The following SLC36A1 variants were observed in gnomAD, a reference collection of about 807,000 sequenced individuals.
The protein encoded by SLC36A1 is solute carrier family 36 member 1.
SLC36A1 carries 30 observed loss-of-function variants against 47.5 expected under a neutral mutation model. The observed-to-expected ratio is 0.63, with a 90% confidence interval of 0.47 to 0.86. The LOEUF is 0.86. Among genes scored for constraint, SLC36A1 ranks in the 40% least tolerant of loss-of-function variants. The probability of loss-of-function intolerance (pLI) is 0.00; values close to 1 mark genes in which losing one functional copy is unlikely to be tolerated. For missense variants in SLC36A1, 517 were observed against 606.0 expected (o/e 0.85, Z 1.54); for synonymous variants, 255 against 249.7 (o/e 1.02, Z -0.20).
the SLC36A1 span, among the ~76,000 whole-genome samples, chr5:151,410,790 A>G: frequency 6.9e-6 from 1 of 144,468 alleles, no homozygotes; most frequent in East Asian, 2.4e-4. Flanking sequence ...ATGAGATGCA[A>G]CTGTATCAAG....
chr5:151,462,164 A>G (rs1228486853), intron 2 of SLC36A1, among the ~76,000 whole-genome samples: 1 of 152,204 alleles, frequency 6.6e-6, no homozygotes, highest in Non-Finnish European at 1.5e-5. Context: ...TGTATCCAGT[A>G]CCATGAGCTT....
chr5:151,381,001 G>C, the SLC36A1 span: 3 of 386,566 alleles, frequency 7.8e-6, no homozygotes, highest in Non-Finnish European at 1.6e-5. Flanking sequence ...GAGGGGCCAG[G>C]CTGACAGACT....
In SLC36A1 at chr5:151,473,668, T is replaced by C. The variant is rs762108949; in HGVS notation, c.724-5T>C. 1 of 1,597,682 alleles carries C rather than the reference T, an allele frequency of 6.3e-7. No individual in the cohort carries two copies. Among genetic ancestry groups the C allele is most frequent in the South Asian group, 1.1e-5 (1 of 90,516 alleles). ...TTTTGCTTTGTTTTGCTTTCTGTCT[T>C]TCAGAGGATCCCAGACCCCAGCCAC... On this transcript the variant is annotated splice_region_variant and splice_polypyrimidine_tract_variant and intron_variant, in intron 7 of 10. Transcript: ENST00000243389.
chr5:151,378,444 G>A, the SLC36A1 span: 1 of 200,474 alleles, frequency 5.0e-6, no homozygotes. Flanking sequence ...CCAAACACCA[G>A]CTATATCTGT....
At chr5:151,532,840 C>G in the SLC36A1 span, among the ~76,000 whole-genome samples, 1 of 152,200 alleles carries the variant, frequency 6.6e-6, no homozygotes, top group South Asian at 2.1e-4. Context: ...TCTCACGTCT[C>G]CCACACACGT....
chr5:151,373,968 A>G, the SLC36A1 span, among the ~76,000 whole-genome samples: 1 of 152,152 alleles, frequency 6.6e-6, no homozygotes, highest in Non-Finnish European at 1.5e-5. Flanking sequence ...ACTATGGCCT[A>G]TGGGCTGGTG....
At chr5:151,366,122 C>T in the SLC36A1 span, among the ~76,000 whole-genome samples, 1 of 152,164 alleles carries the variant, frequency 6.6e-6, no homozygotes, top group Non-Finnish European at 1.5e-5. Flanking sequence ...TGACAACATT[C>T]TGAGGTGGGT....
chr5:151,393,986 C>T, the SLC36A1 span, among the ~76,000 whole-genome samples: 2 of 152,132 alleles, frequency 1.3e-5, no homozygotes, highest in African/African-American at 4.8e-5. Flanking sequence ...TGGATAATAT[C>T]CTACAGAGTA....
At chr5:151,458,557 C>A (rs17112008) in intron 1 of SLC36A1, among the ~76,000 whole-genome samples, 58,910 of 151,752 alleles carry the variant, frequency 0.39, 12,089 homozygotes, top group East Asian at 0.65. Context: ...TGTAGCACCA[C>A]GTATACCAAT....
the SLC36A1 span, among the ~76,000 whole-genome samples, chr5:151,387,638 A>G: frequency 1.3e-5 from 2 of 152,138 alleles, no homozygotes; most frequent in African/African-American, 2.4e-5. Flanking sequence ...ATTTCACTCT[A>G]TTCCCAGGGC....
the SLC36A1 span, among the ~76,000 whole-genome samples, chr5:151,515,332 C>T: frequency 6.6e-6 from 1 of 152,198 alleles, no homozygotes; most frequent in African/African-American, 2.4e-5. Context: ...AAGGAGTAAT[C>T]CTTGGCCTAC....
intron 10 of SLC36A1, among the ~76,000 whole-genome samples, chr5:151,481,650 T>C (rs1259008366): frequency 4.6e-5 from 7 of 151,910 alleles, no homozygotes; most frequent in East Asian, 1.9e-4. Context: ...TTTTTTTTTT[T>C]CCCTCTTGGA....
chr5:151,537,066 T>C, the SLC36A1 span, among the ~76,000 whole-genome samples: 2,384 of 152,250 alleles, frequency 0.016, 55 homozygotes, highest in African/African-American at 0.054. Flanking sequence ...ATTTCCTCAG[T>C]GATCTTTTAC....
chr5:151,516,880 C>T, the SLC36A1 span, among the ~76,000 whole-genome samples: 4 of 151,896 alleles, frequency 2.6e-5, no homozygotes, highest in Admixed American at 6.6e-5. Flanking sequence ...CCGAGGCAGG[C>T]GGATCACCTG....
At chr5:151,391,585 G>A in the SLC36A1 span, among the ~76,000 whole-genome samples, 2 of 152,010 alleles carry the variant, frequency 1.3e-5, no homozygotes, top group African/African-American at 2.4e-5. Context: ...CATCAATACC[G>A]AATTTATTGA....
chr5:151,430,456 G>A, the SLC36A1 span, among the ~76,000 whole-genome samples: 11 of 151,736 alleles, frequency 7.2e-5, no homozygotes, highest in Admixed American at 6.6e-5. Context: ...CTGAGTAGCT[G>A]GGATTACAGG....
chr5:151,454,630 C>G (rs1754201038), intron 1 of SLC36A1, among the ~76,000 whole-genome samples: 1 of 151,842 alleles, frequency 6.6e-6, no homozygotes, highest in Non-Finnish European at 1.5e-5. Flanking sequence ...AAAAAATCAG[C>G]CCTCTTGACT....
intron 6 of SLC36A1, 104 bp from the exon 7 acceptor site, chr5:151,467,603 G>A: frequency 1.0e-6 from 1 of 956,612 alleles, no homozygotes; most frequent in Non-Finnish European, 1.6e-6. Context: ...AAAAGGCCTT[G>A]TTCACACACC....
At chr5:151,415,640 C>T in the SLC36A1 span, among the ~76,000 whole-genome samples, 1 of 152,138 alleles carries the variant, frequency 6.6e-6, no homozygotes, top group African/African-American at 2.4e-5. Flanking sequence ...GGTCATAAAA[C>T]TCCATTGAGG....
Sources: gnomAD v4.1 joint callset for allele counts (sites outside exome capture counted in the v4.1 genomes callset) on GRCh38, gnomAD v4.1.1 for gene constraint, MANE v1.5 for transcripts, NCBI Gene and HGNC (gene_info 2026-07-23, HGNC 2026-07-21) for gene names.